OCA2: variants seen among roughly 807,000 people sequenced by gnomAD.
The protein encoded by OCA2 is P protein.
OCA2 carries 77 observed loss-of-function variants against 100.2 expected under a neutral mutation model. The observed-to-expected ratio is 0.77, with a 90% confidence interval of 0.64 to 0.93. The LOEUF (loss-of-function observed/expected upper bound fraction) is 0.93, where lower values mean the gene tolerates loss of function less well. OCA2 is among the 40% of genes least tolerant of loss of function. OCA2 has a pLI of 0.00. For missense variants in OCA2, 1,062 were observed against 1,089.1 expected (o/e 0.98, Z 0.35); for synonymous variants, 432 against 439.2 (o/e 0.98, Z 0.21).
downstream of OCA2, among the ~76,000 whole-genome samples, chr15:27,753,456 G>A (rs146117391): frequency 1.3e-3 from 203 of 152,222 alleles, no homozygotes; most frequent in African/African-American, 4.4e-3. Flanking sequence ...GGGATGGGCC[G>A]GGCACGGTGG....
intron 21 of OCA2, among the ~76,000 whole-genome samples, chr15:27,864,548 G>T (rs576468751): frequency 1.6e-4 from 24 of 152,192 alleles, no homozygotes; most frequent in African/African-American, 5.8e-4. Flanking sequence ...GATACCTCCC[G>T]CAGGGCTATG....
chr15:27,865,152 C>A (rs796652555), intron 21 of OCA2, among the ~76,000 whole-genome samples: 1 of 151,856 alleles, frequency 6.6e-6, no homozygotes, highest in African/African-American at 2.4e-5. Context: ...ATGACGCCAT[C>A]GGAGAAGAGA....
intron 22 of OCA2, among the ~76,000 whole-genome samples, chr15:27,851,171 G>A (rs1025602302): frequency 6.6e-6 from 1 of 152,202 alleles, no homozygotes; most frequent in African/African-American, 2.4e-5. Context: ...CAGGCAATGG[G>A]CCCGGGAAGT....
intron 23 of OCA2, among the ~76,000 whole-genome samples, chr15:27,813,529 C>T (rs1274060927): frequency 1.3e-5 from 2 of 152,204 alleles, no homozygotes; most frequent in African/African-American, 4.8e-5. Flanking sequence ...TAGGTCCCCA[C>T]AAACCTTTAC....
intron 7 of OCA2, 75 bp from the exon 8 acceptor site, chr15:28,016,261 C>A: frequency 8.8e-7 from 1 of 1,130,148 alleles, no homozygotes; most frequent in South Asian, 1.2e-5. Context: ...ACTGCTCGGT[C>A]TAGGTATTTG....
At chr15:27,884,673 T>A (rs575474730) in intron 19 of OCA2, among the ~76,000 whole-genome samples, 67 of 152,250 alleles carry the variant, frequency 4.4e-4, no homozygotes, top group Non-Finnish European at 8.8e-4. Flanking sequence ...CCTATTTTTG[T>A]ATTCCATGAA....
At chr15:28,036,995 G>T (rs1231069154) in intron 2 of OCA2, among the ~76,000 whole-genome samples, 1 of 152,050 alleles carries the variant, frequency 6.6e-6, no homozygotes, top group Non-Finnish European at 1.5e-5. Flanking sequence ...ACCTGTGCAT[G>T]ACCAAATTCA....
At chr15:27,779,909 T>A (rs1193970969) in intron 23 of OCA2, among the ~76,000 whole-genome samples, 2 of 152,200 alleles carry the variant, frequency 1.3e-5, no homozygotes, top group Non-Finnish European at 2.9e-5. Context: ...ATGCTTTGAA[T>A]AAATTCTAGA....
rs140305885 is a variant in OCA2, at chr15:27,869,357, C to T, written c.2244+1797G>A. ...CTCCAGGGGAAGAACAGAGACCTGC[C>T]TGTTTATCTGTAATGTTGTATTTCT... On this transcript the variant is annotated intron_variant, in intron 21 of 23. Transcript: ENST00000354638. Among the ~76,000 whole-genome samples the T allele has an allele frequency of 2.8e-4, 42 of 152,340 alleles. No homozygotes were observed. The East Asian group carries it at 7.7e-3, about 28-fold the overall frequency.
intron 23 of OCA2, among the ~76,000 whole-genome samples, chr15:27,775,214 C>G (rs2032140238): frequency 6.6e-6 from 1 of 152,172 alleles, no homozygotes; most frequent in Admixed American, 6.5e-5. Context: ...ACGGGATATG[C>G]TGGCTGAGTG....
At chr15:27,860,305 A>G (rs1415321811) in intron 21 of OCA2, among the ~76,000 whole-genome samples, 1 of 152,138 alleles carries the variant, frequency 6.6e-6, no homozygotes, top group Non-Finnish European at 1.5e-5. Flanking sequence ...CTTTATAATC[A>G]ATTTATTTTA....
At chr15:27,984,340 T>G (rs909991306) in intron 13 of OCA2, among the ~76,000 whole-genome samples, 2 of 152,062 alleles carry the variant, frequency 1.3e-5, no homozygotes, top group Non-Finnish European at 2.9e-5. Flanking sequence ...GGACCCAGTA[T>G]GCACACAGCT....
intron 21 of OCA2, among the ~76,000 whole-genome samples, chr15:27,861,913 G>A (rs925651967): frequency 4.6e-5 from 7 of 152,180 alleles, no homozygotes; most frequent in Admixed American, 6.5e-5. Context: ...ATGTGGTCCT[G>A]GGTGAAGGCA....
Position 28,086,062 on chromosome 15 carries a change from G to A in OCA2, c.-21-4167C>T, listed in dbSNP as rs148038365. Among the ~76,000 whole-genome samples, 1,015 of 152,296 alleles carry A rather than the reference G, an allele frequency of 6.7e-3. 13 individuals are homozygous for A. The highest frequency in any genetic ancestry group is 0.024 in the African/African-American group (985 of 41,554). ...TGCTTCGCAAAAGGCTGAGTAGGGA[G>A]TTTGGACATTCACCGTTGCTGAGTG... On this transcript the variant is annotated intron_variant, in intron 1 of 23. Transcript: ENST00000354638.
chr15:27,824,602 C>CTCTCTCTCTCTCTCTCTCTCTCTATATA lies in OCA2; in HGVS notation c.2432+20356_2432+20357insTATATAGAGAGAGAGAGAGAGAGAGAGA. ...TTTCTCTCTCTCTCTCTCTCTCTCT[C>CTCTCTCTCTCTCTCTCTCTCTCTATATA]TATATATATATATATATATAATATA... On this transcript the variant is annotated intron_variant, in intron 23 of 23. Coordinates refer to ENST00000354638, the MANE Select transcript of OCA2 (RefSeq NM_000275.3). 1.4e-3 allele frequency among the ~76,000 whole-genome samples: 68 copies of CTCTCTCTCTCTCTCTCTCTCTCTATATA among 47,572 alleles called. 3 individuals are homozygous for CTCTCTCTCTCTCTCTCTCTCTCTATATA. The highest frequency in any genetic ancestry group is 0.018 in the Middle Eastern group (1 of 56). The allele number at this position is 47,572 out of a possible 152,430, so 31.2% of individuals were successfully genotyped here.
At chr15:27,911,493 A>G (rs1310758212) in intron 19 of OCA2, among the ~76,000 whole-genome samples, 4 of 152,220 alleles carry the variant, frequency 2.6e-5, no homozygotes, top group Non-Finnish European at 4.4e-5. Context: ...CAAGCATGGC[A>G]CCAGCATCTG....
At chr15:27,935,329 A>T (rs2039414214) in intron 18 of OCA2, among the ~76,000 whole-genome samples, 1 of 152,168 alleles carries the variant, frequency 6.6e-6, no homozygotes. Flanking sequence ...GCCATTTCTC[A>T]ACTCAAAAAA....
intron 23 of OCA2, among the ~76,000 whole-genome samples, chr15:27,792,300 C>CT (rs2151132943): frequency 6.6e-6 from 1 of 152,132 alleles, no homozygotes; most frequent in African/African-American, 2.4e-5. Flanking sequence ...TTGATCCATG[C>CT]TTTTTATGCA....
chr15:27,834,025 G>A (rs534085179), intron 23 of OCA2, among the ~76,000 whole-genome samples: 1 of 152,264 alleles, frequency 6.6e-6, no homozygotes, highest in South Asian at 2.1e-4. Context: ...AGAGTGACAG[G>A]AATTCCTTTT....
Sources: gnomAD v4.1 joint callset for allele counts (sites outside exome capture counted in the v4.1 genomes callset) on GRCh38, gnomAD v4.1.1 for gene constraint, MANE v1.5 for transcripts, NCBI Gene and HGNC (gene_info 2026-07-23, HGNC 2026-07-21) for gene names.